The following STRBP variants were observed in gnomAD, a reference collection of about 807,000 sequenced individuals.
STRBP encodes spermatid perinuclear RNA-binding protein.
A neutral mutation model predicts 80.1 loss-of-function variants in STRBP; 13 were observed. The observed-to-expected ratio is 0.16, with a 90% CI of 0.11 to 0.26. The LOEUF is 0.26. Ranked by LOEUF, STRBP falls within the 10% of genes least tolerant of loss-of-function variation. The probability of loss-of-function intolerance (pLI) is 1.00; values close to 1 mark genes in which losing one functional copy is unlikely to be tolerated. For missense variants in STRBP, 485 were observed against 815.2 expected, an observed-to-expected ratio of 0.59 and a Z score of 4.93; for synonymous variants, 284 against 291.2, an observed-to-expected ratio of 0.98 and a Z score of 0.25.
rs5900563 is a variant in STRBP, at chr9:123,123,532, T to TA, written c.*2064dup. The TA allele has an allele frequency of 1.9e-5, 17 of 918,660 alleles. No individual in the cohort carries two copies. The African/African-American group carries it at 2.2e-4, about 12-fold the overall frequency. The allele number at this position is 918,660 out of a possible 1,614,324, so 56.9% of individuals were successfully genotyped here. A position where few individuals can be genotyped will look rare whatever the true frequency, so the allele number is the denominator to read the frequency against. On this transcript the variant is annotated 3_prime_UTR_variant, in exon 19 of 19. Coordinates refer to ENST00000348403, the MANE Select transcript of STRBP (RefSeq NM_018387.5). ...AGTAACTTCCAACAAACAACAAAAT[T>TA]AAAAAAAAAAAAAAAAGACTTGGTA... is the stretch of plus-strand genomic sequence containing the variant.
intron 17 of STRBP, among the ~76,000 whole-genome samples, chr9:123,131,220 A>G (rs368025994): frequency 5.9e-5 from 9 of 152,206 alleles, no homozygotes; most frequent in African/African-American, 2.2e-4. Flanking sequence ...TGTTCTTCAC[A>G]CTATAGAAAG....
intron 4 of STRBP, among the ~76,000 whole-genome samples, chr9:123,174,847 C>A (rs2038152802): frequency 6.6e-6 from 1 of 152,170 alleles, no homozygotes; most frequent in Non-Finnish European, 1.5e-5. Flanking sequence ...CTAAAAGTTT[C>A]TTATTGGTTC....
intron 3 of STRBP, among the ~76,000 whole-genome samples, chr9:123,182,612 C>T (rs1402626714): frequency 2.0e-5 from 3 of 152,154 alleles, no homozygotes; most frequent in Non-Finnish European, 4.4e-5. Context: ...AACATTTGTT[C>T]CCACAATCTA....
At position 123,128,262 on chromosome 9, in the gene STRBP, G is replaced by C. The variant is rs1399258684; in HGVS notation, c.1898-4C>G. The C allele has an allele frequency of 1.1e-5, 17 of 1,614,178 alleles. No homozygotes were observed. Among genetic ancestry groups the C allele is most frequent in the Non-Finnish European group, 1.4e-5 (17 of 1,180,016 alleles). On this transcript the variant is annotated splice_region_variant and splice_polypyrimidine_tract_variant and intron_variant, in intron 17 of 18. Transcript: ENST00000348403. ...TAACCATATGGTGTTCCATAGCCTA[G>C]TGCAAAGAAGAAGAAGGCAGATCAG...
At position 123,173,772 on chromosome 9, in the gene STRBP, C is replaced by T. The variant is rs755478785; in HGVS notation, c.295G>A (p.Asp99Asn). 2 of 1,613,862 alleles carry T rather than the reference C, an allele frequency of 1.2e-6. No homozygotes were observed. Among genetic ancestry groups the T allele is most frequent in the African/African-American group, 2.7e-5 (2 of 74,920 alleles). Residue 99 changes from aspartate to asparagine, a missense_variant, in exon 5 of 19, where the codon GAT (aspartate) becomes AAT (asparagine). By Grantham distance (23) the Asp-to-Asn change is conservative. Coordinates refer to ENST00000348403, the MANE Select transcript of STRBP (RefSeq NM_018387.5). ...AAAACCAGCTCCAAGTCCATATCAT[C>T]TTTAATCAGCAAGCCTTTTGCAACC... Reference protein sequence around the residue: ...GLVAKGLLIKDDMDLELVLMC... With the variant: ...GLVAKGLLIKNDMDLELVLMC...
chr9:123,160,986 T>C lies in STRBP; in HGVS notation c.618A>G (p.Lys206=). 1 of 1,585,040 alleles carries C rather than the reference T, an allele frequency of 6.3e-7. No individual in the cohort carries two copies. Among genetic ancestry groups the C allele is most frequent in the Middle Eastern group, 1.7e-4 (1 of 6,002 alleles). Residue 206 remains lysine (K), a synonymous_variant, in exon 7 of 19, where the codon AAA becomes AAG. Coordinates refer to ENST00000348403, the MANE Select transcript of STRBP (RefSeq NM_018387.5). ...LNALASLRHA[K]WFQARANGLK... ...GTAAGAAAAAGCCAACCTGAAACCA[T>C]TTGGCATGTCGAAGAGACGCCAAGG...
intron 1 of STRBP, among the ~76,000 whole-genome samples, chr9:123,241,270 G>A (rs1398439298): frequency 1.3e-5 from 2 of 152,014 alleles, no homozygotes; most frequent in Non-Finnish European, 2.9e-5. Flanking sequence ...GGGAGGATGA[G>A]GCAGCAGAAT....
intron 1 of STRBP, among the ~76,000 whole-genome samples, chr9:123,259,055 G>C (rs2041101795): frequency 7.6e-6 from 1 of 131,290 alleles, no homozygotes. Flanking sequence ...CTATAAGGAG[G>C]AAAGGGCAAA....
chr9:123,148,618 G>A (rs548852194), intron 11 of STRBP, among the ~76,000 whole-genome samples: 12 of 152,176 alleles, frequency 7.9e-5, no homozygotes, highest in South Asian at 4.2e-4. Flanking sequence ...AGAAGTCCAC[G>A]TTACATCTTA....
intron 11 of STRBP, among the ~76,000 whole-genome samples, chr9:123,149,934 G>C (rs184881903): frequency 6.6e-6 from 1 of 152,290 alleles, no homozygotes; most frequent in African/African-American, 2.4e-5. Flanking sequence ...TTCTCAAAGA[G>C]CTTACATATA....
At position 123,116,132 on chromosome 9, in the gene STRBP, C is replaced by A. The variant is rs377002302; in HGVS notation, c.169-34G>T. On this transcript the variant is annotated intron_variant and NMD_transcript_variant, in intron 2 of 3. Transcript: ENST00000471564. ...ATGAGGGATTTTTAGAAAGCTGAGA[C>A]TTCCGAGAAGTCTCATGATGGAAGA... The A allele has an allele frequency of 5.0e-5, 23 of 455,716 alleles. No individual in the cohort carries two copies. In the East Asian group the frequency reaches 1.4e-3, roughly 28 times the overall value. 28.2% of individuals were successfully genotyped at this position (455,716 alleles called of 1,614,324 possible).
intron 2 of STRBP, among the ~76,000 whole-genome samples, chr9:123,216,874 A>G (rs916728957): frequency 1.1e-4 from 16 of 152,188 alleles, no homozygotes; most frequent in African/African-American, 3.9e-4. Flanking sequence ...TCTCTATTTT[A>G]AGGTTTACAA....
intron 1 of STRBP, among the ~76,000 whole-genome samples, chr9:123,250,423 T>C (rs2040888211): frequency 1.3e-5 from 2 of 152,230 alleles, no homozygotes; most frequent in African/African-American, 4.8e-5. Flanking sequence ...TCAGATATAA[T>C]TTCCGATAAA....
chr9:123,227,716 C>T (rs1364614950), intron 2 of STRBP, among the ~76,000 whole-genome samples: 1 of 151,712 alleles, frequency 6.6e-6, no homozygotes, highest in Admixed American at 6.6e-5. Context: ...CAGGTATGCA[C>T]CCCACACCTG....
At chr9:123,240,266 T>C (rs1453162318) in intron 1 of STRBP, among the ~76,000 whole-genome samples, 1 of 150,920 alleles carries the variant, frequency 6.6e-6, no homozygotes, top group African/African-American at 2.5e-5. Flanking sequence ...AACCACTTAA[T>C]ATACTGTATG....
chr9:123,115,818 C>CT lies in STRBP; in HGVS notation c.*84+110dup, dbSNP rs762188978. 1.2e-4 allele frequency: 43 copies of CT among 352,142 alleles called. No homozygotes were observed. Among genetic ancestry groups the CT allele is most frequent in the Admixed American group, 6.0e-4 (16 of 26,720 alleles). The allele number at this position is 352,142 out of a possible 1,614,324, so 21.8% of individuals were successfully genotyped here. A position where few individuals can be genotyped will look rare whatever the true frequency, so the allele number is the denominator to read the frequency against. ...CTCAGCTGCTCTCTCAAGGCTGCGT[C>CT]TGTCATCGCGGGAGGTGTATTTTAG... On this transcript the variant is annotated intron_variant and NMD_transcript_variant, in intron 3 of 3. Transcript: ENST00000471564. This position sits in a 1 kb window ranked among gnomAD's most constrained non-coding sequence, Gnocchi z 5.0.
In STRBP at chr9:123,168,183, T is replaced by C. The variant is rs2037850611; in HGVS notation, c.535+1719A>G. On this transcript the variant is annotated intron_variant, in intron 6 of 18. Transcript: ENST00000348403. The stretch of plus-strand genomic sequence containing the variant: ...ATACTAGAGGGTCAAGTAGAACACA[T>C]CTTACCAGAATTAACATTTATCTTG... The C allele has an allele frequency of 6.2e-6, 6 of 975,076 alleles. No individual in the cohort carries two copies. The South Asian group carries it at 2.4e-4, about 39-fold the overall frequency. The allele number at this position is 975,076 out of a possible 1,614,324, so 60.4% of individuals were successfully genotyped here. A position where few individuals can be genotyped will look rare whatever the true frequency, so the allele number is the denominator to read the frequency against.
intron 2 of STRBP, among the ~76,000 whole-genome samples, chr9:123,185,127 C>T (rs888962919): frequency 4.0e-5 from 6 of 151,588 alleles, no homozygotes; most frequent in African/African-American, 1.2e-4. Context: ...CATCAAAATA[C>T]AGCACATGCT....
chr9:123,124,331 A>T lies in STRBP; in HGVS notation c.*1266T>A, dbSNP rs1314809104. 2.0e-6 allele frequency: 2 copies of T among 985,466 alleles called. No individual in the cohort carries two copies. Among genetic ancestry groups the T allele is most frequent in the East Asian group, 2.3e-4 (2 of 8,818 alleles). The allele number at this position is 985,466 out of a possible 1,614,324, so 61.0% of individuals were successfully genotyped here. On this transcript the variant is annotated 3_prime_UTR_variant, in exon 19 of 19. Transcript: ENST00000348403. ...TGGGGGTGAGTACCTTAATGAAACC[A>T]TTGACCTAGTAACATCATTGGCTTT...
Sources: gnomAD v4.1 joint callset for allele counts (sites outside exome capture counted in the v4.1 genomes callset) on GRCh38, gnomAD v4.1.1 for gene constraint, Gnocchi (gnomAD v3.1) non-coding constraint, MANE v1.5 for transcripts, NCBI Gene and HGNC (gene_info 2026-07-23, HGNC 2026-07-21) for gene names.